DLGAP2: variants seen among roughly 807,000 people sequenced by gnomAD.
DLGAP2 encodes disks large-associated protein 2.
DLGAP2 carries 26 observed loss-of-function variants against 100.3 expected under a neutral mutation model. That is an observed-to-expected ratio of 0.26 (90% CI 0.19 to 0.36). The LOEUF (loss-of-function observed/expected upper bound fraction) is 0.36. Among genes scored for constraint, DLGAP2 ranks in the 10% least tolerant of loss-of-function variants. DLGAP2 has a pLI of 1.00. For synonymous variants in DLGAP2, 886 were observed against 630.1 expected (o/e 1.41, Z -6.08); for missense variants, 1,858 against 1,453.2 (o/e 1.28, Z -4.53).
chr8:1,506,436 C>T (rs985515192), intron 4 of DLGAP2, among the ~76,000 whole-genome samples: 8 of 152,180 alleles, frequency 5.3e-5, no homozygotes, highest in Admixed American at 2.0e-4. Context: ...TTTGGAGTTT[C>T]TTCCTTCTGG....
intron 2 of DLGAP2, among the ~76,000 whole-genome samples, chr8:1,043,424 G>A (rs1802429075): frequency 6.6e-6 from 1 of 151,780 alleles, no homozygotes; most frequent in African/African-American, 2.4e-5. Flanking sequence ...GGATGTGGGT[G>A]GTGGATGTGG....
intron 2 of DLGAP2, among the ~76,000 whole-genome samples, chr8:1,151,525 C>G (rs1300311437): frequency 6.6e-6 from 1 of 152,264 alleles, no homozygotes; most frequent in Admixed American, 6.5e-5. Context: ...GTTTGCAGAT[C>G]CTCAGTGCAG....
At chr8:843,893 A>T (rs541560226) in intron 1 of DLGAP2, among the ~76,000 whole-genome samples, 1 of 152,340 alleles carries the variant, frequency 6.6e-6, no homozygotes, top group South Asian at 2.1e-4. Flanking sequence ...CATATGTTTA[A>T]GTCATTGAAG....
chr8:1,149,845 A>G (rs754990294), intron 2 of DLGAP2, among the ~76,000 whole-genome samples: 3 of 152,150 alleles, frequency 2.0e-5, no homozygotes, highest in Admixed American at 6.5e-5. Context: ...GAGGATCACC[A>G]CAGTCATCTC....
chr8:1,580,383 A>G (rs993614542), intron 6 of DLGAP2, among the ~76,000 whole-genome samples: 6 of 152,196 alleles, frequency 3.9e-5, no homozygotes, highest in African/African-American at 1.4e-4. Flanking sequence ...TAACGAAGAA[A>G]TCAGTGACCT....
intron 1 of DLGAP2, among the ~76,000 whole-genome samples, chr8:796,411 C>G (rs185897259): frequency 5.9e-5 from 9 of 152,108 alleles, no homozygotes; most frequent in Admixed American, 5.2e-4. Context: ...GATTTCCCTG[C>G]GACTGCCTGG....
chr8:1,183,274 C>T (rs1452944409), intron 2 of DLGAP2, among the ~76,000 whole-genome samples: 6 of 152,062 alleles, frequency 3.9e-5, no homozygotes, highest in Middle Eastern at 3.4e-3. Context: ...GGGGAGACTC[C>T]AGAATAATAT....
Position 1,480,961 on chromosome 8 carries a change from A to C in DLGAP2, c.107-20405A>C, listed in dbSNP as rs544467836. On this transcript the variant is annotated intron_variant, in intron 3 of 14. Coordinates refer to ENST00000637795, the MANE Select transcript of DLGAP2 (RefSeq NM_001346810.2). Reference sequence around the variant, plus strand: ...GCCGAGGCGGGCAGATCACGAGGTCAGGAGATCGAGACCATCCTGGCTAAC... The same window carrying C: ...GCCGAGGCGGGCAGATCACGAGGTCCGGAGATCGAGACCATCCTGGCTAAC... Among the ~76,000 whole-genome samples the C allele has an allele frequency of 7.2e-5, 11 of 152,244 alleles. No homozygotes were observed. In the South Asian group the frequency reaches 2.1e-3, roughly 29 times the overall value.
At chr8:905,499 GC>G (rs1187636082) in intron 1 of DLGAP2, among the ~76,000 whole-genome samples, 2 of 152,160 alleles carry the variant, frequency 1.3e-5, no homozygotes, top group Non-Finnish European at 2.9e-5. Flanking sequence ...CATAAAACAG[GC>G]CCTGGCAGAT....
At chr8:1,327,837 C>G (rs181346523) in intron 3 of DLGAP2, among the ~76,000 whole-genome samples, 39 of 152,216 alleles carry the variant, frequency 2.6e-4, no homozygotes, top group Middle Eastern at 3.4e-3. Context: ...GAGGGAGACT[C>G]CGTCTCAAAA....
chr8:1,604,392 G>A (rs1312066114), intron 6 of DLGAP2, among the ~76,000 whole-genome samples: 1 of 152,128 alleles, frequency 6.6e-6, no homozygotes, highest in Non-Finnish European at 1.5e-5. Flanking sequence ...CATCCAAATA[G>A]ATCCATGTTT....
intron 4 of DLGAP2, among the ~76,000 whole-genome samples, chr8:1,543,994 C>A (rs1023997969): frequency 6.6e-6 from 1 of 152,080 alleles, no homozygotes; most frequent in South Asian, 2.1e-4. Context: ...CCTTGAACTC[C>A]CAGACTCAAG....
chr8:848,712 G>A (rs1380215170), intron 1 of DLGAP2, among the ~76,000 whole-genome samples: 1 of 19,084 alleles, frequency 5.2e-5, no homozygotes, highest in Non-Finnish European at 9.3e-5. Context: ...CGTGCGGTGC[G>A]TGTTCCAGTG....
intron 2 of DLGAP2, among the ~76,000 whole-genome samples, chr8:949,912 C>G (rs1443542346): frequency 6.6e-6 from 1 of 152,200 alleles, no homozygotes; most frequent in Non-Finnish European, 1.5e-5. Flanking sequence ...TGATTTTCTG[C>G]TAACAGGAAA....
intron 3 of DLGAP2, among the ~76,000 whole-genome samples, chr8:1,374,439 C>G (rs1159149339): frequency 6.6e-6 from 1 of 152,172 alleles, no homozygotes; most frequent in African/African-American, 2.4e-5. Context: ...TTTGCCTTCT[C>G]TGTAGGATGA....
rs547886545 is a variant in DLGAP2, at chr8:980,513, A to G, written c.73+72547A>G. Among the ~76,000 whole-genome samples the G allele has an allele frequency of 1.2e-4, 19 of 152,272 alleles. No individual in the cohort carries two copies. In the South Asian group the frequency reaches 3.9e-3, roughly 32 times the overall value. On this transcript the variant is annotated intron_variant, in intron 2 of 14. Transcript: ENST00000637795. Reference sequence around the variant, plus strand: ...GAGTGCCTTGGAGCAGGGATTGGGAACTGTGACCTTGGGTGCTTATTTCTG... The same window carrying G: ...GAGTGCCTTGGAGCAGGGATTGGGAGCTGTGACCTTGGGTGCTTATTTCTG...
intron 2 of DLGAP2, among the ~76,000 whole-genome samples, chr8:1,240,151 C>T (rs1214198667): frequency 1.3e-5 from 2 of 149,490 alleles, no homozygotes; most frequent in Non-Finnish European, 3.0e-5. Flanking sequence ...AGTTCTCTCT[C>T]ATACATAGTG....
intron 3 of DLGAP2, among the ~76,000 whole-genome samples, chr8:1,272,692 G>A (rs914444632): frequency 6.6e-6 from 1 of 152,106 alleles, no homozygotes; most frequent in African/African-American, 2.4e-5. Context: ...GGACCCTATG[G>A]GAAGGCCAGG....
intron 3 of DLGAP2, among the ~76,000 whole-genome samples, chr8:1,412,829 T>G (rs1796771991): frequency 6.6e-6 from 1 of 152,080 alleles, no homozygotes; most frequent in African/African-American, 2.4e-5. Context: ...ATGGCCTGTG[T>G]CTCCAGTGCT....
Sources: allele counts gnomAD v4.1 joint callset (sites outside exome capture counted in the v4.1 genomes callset), GRCh38; gene constraint gnomAD v4.1.1; transcripts MANE v1.5; gene names NCBI Gene and HGNC (gene_info 2026-07-23, HGNC 2026-07-21).